The following MYH10 variants were observed in gnomAD, a reference collection of about 807,000 sequenced individuals.
MYH10 encodes myosin heavy chain 10, also known as myosin-10.
Under a neutral mutation model 257.8 loss-of-function variants are expected in MYH10, and 55 were observed. The ratio of observed to expected loss-of-function variants is 0.21; its 90% confidence interval spans 0.17 to 0.27. The LOEUF (loss-of-function observed/expected upper bound fraction) is 0.27, where lower values mean the gene tolerates loss of function less well. Among genes scored for constraint, MYH10 ranks in the 10% least tolerant of loss-of-function variants. MYH10 has a pLI of 1.00. For missense variants in MYH10, 1,631 were observed against 2,500.6 expected (o/e 0.65, Z 7.42); for synonymous variants, 854 against 921.7 (o/e 0.93, Z 1.33).
At chr17:8,581,806 T>G (rs768637325) in intron 4 of MYH10, among the ~76,000 whole-genome samples, 18 of 152,322 alleles carry the variant, frequency 1.2e-4, no homozygotes, top group Non-Finnish European at 1.8e-4. Context: ...ATGAGGTGAT[T>G]TGAATTACTA....
intron 13 of MYH10, among the ~76,000 whole-genome samples, chr17:8,543,732 A>G (rs967637533): frequency 2.0e-5 from 3 of 152,176 alleles, no homozygotes; most frequent in Non-Finnish European, 4.4e-5. Context: ...TCGGCCTCCC[A>G]AAGTGCTGGG....
intron 7 of MYH10, among the ~76,000 whole-genome samples, chr17:8,565,799 C>CT (rs2083147356): frequency 6.6e-6 from 1 of 152,166 alleles, no homozygotes; most frequent in Non-Finnish European, 1.5e-5. Flanking sequence ...AGAAAACAAT[C>CT]TAATTCTTCC....
intron 21 of MYH10, 109 bp downstream of exon 21, chr17:8,518,522 G>T: frequency 1.7e-6 from 2 of 1,209,758 alleles, no homozygotes; most frequent in Non-Finnish European, 2.3e-6. Flanking sequence ...AGCAACTTCT[G>T]TAAGGACAGA....
At chr17:8,563,852 T>C (rs2083073917) in intron 7 of MYH10, among the ~76,000 whole-genome samples, 1 of 139,904 alleles carries the variant, frequency 7.1e-6, no homozygotes, top group African/African-American at 2.7e-5. Flanking sequence ...AAGAGGTACA[T>C]AATAGTTGGA....
chr17:8,588,432 T>G (rs143182916), intron 4 of MYH10, among the ~76,000 whole-genome samples: 1 of 152,312 alleles, frequency 6.6e-6, no homozygotes, highest in African/African-American at 2.4e-5. Context: ...TGTCAGGAGA[T>G]TTCAGCAACA....
intron 28 of MYH10, among the ~76,000 whole-genome samples, chr17:8,502,883 G>A (rs1455360444): frequency 2.0e-5 from 3 of 152,228 alleles, no homozygotes; most frequent in Non-Finnish European, 4.4e-5. Flanking sequence ...CCAGCTGGGA[G>A]TGGAGAGTTC....
At position 8,475,398 on chromosome 17, in the gene MYH10, G is replaced by C; in HGVS notation, c.*406C>G. ...AGGAGTCGGGGGCCACGTGAACACA[G>C]AACTAGGTTACCTGTCTGTATGACA... is the stretch of plus-strand genomic sequence containing the variant. On this transcript the variant is annotated 3_prime_UTR_variant, in exon 43 of 43. Coordinates refer to ENST00000360416, the MANE Select transcript of MYH10 (RefSeq NM_001256012.3). 5.8e-6 allele frequency: 1 copy of C among 171,864 alleles called. No homozygotes were observed. Among genetic ancestry groups the C allele is most frequent in the East Asian group, 1.7e-4 (1 of 6,000 alleles). 10.6% of individuals were successfully genotyped at this position (171,864 alleles called of 1,614,324 possible).
chr17:8,512,633 C>T lies in MYH10; in HGVS notation c.2770G>A (p.Ala924Thr). 1.2e-6 allele frequency: 2 copies of T among 1,612,548 alleles called. No homozygotes were observed. The highest frequency in any genetic ancestry group is 1.7e-6 in the Non-Finnish European group (2 of 1,179,844). ...TCAGTCTCTGCTTGTAGTTGTTCTG[C>T]AAGGATATTCTTCTCTTCTAAAAGC... ...QQLLEEKNIL[A>T]EQLQAETELF... The change falls in exon 24 of 43, where the codon GCA becomes ACA. Residue 924 changes from alanine (A) to threonine (T), a missense_variant. By Grantham distance (58) the Ala-to-Thr change is moderately conservative. Coordinates refer to ENST00000360416, the MANE Select transcript of MYH10 (RefSeq NM_001256012.3).
intron 2 of MYH10, among the ~76,000 whole-genome samples, chr17:8,610,668 A>G (rs1249838118): frequency 6.6e-6 from 1 of 152,096 alleles, no homozygotes. Context: ...TATAAATTCT[A>G]TCTCTTGCTC....
In MYH10 at chr17:8,484,154, A is replaced by G. The variant is rs1914361100; in HGVS notation, c.5159T>C (p.Ile1720Thr). The G allele has an allele frequency of 6.3e-7, 1 of 1,599,288 alleles. No individual in the cohort carries two copies. Among genetic ancestry groups the G allele is most frequent in the Admixed American group, 1.8e-5 (1 of 56,502 alleles). ...EKKLKSLEAE[I>T]LQLQEELASS... ...CAAACCAACCTCCTGCAATTGAAGG[A>G]TTTCTGCTTCCAGACTCTTCAATTT... is the stretch of plus-strand genomic sequence containing the variant. Residue 1720 changes from isoleucine to threonine, a missense_variant, in exon 37 of 43, where the codon ATC (isoleucine) becomes ACC (threonine). Physicochemically the swap from Ile to Thr is moderately conservative, Grantham distance 89. Around this residue, in one of 11 missense-constraint regions of MYH10, gnomAD observed 6 missense variants for 20.5 expected, o/e 0.29. Transcript: ENST00000360416.
At chr17:8,497,738 C>CAA (rs559562540) in intron 30 of MYH10, among the ~76,000 whole-genome samples, 3 of 56,874 alleles carry the variant, frequency 5.3e-5, no homozygotes, top group African/African-American at 7.4e-5. Flanking sequence ...GACTCTGTCT[C>CAA]AAAAAAAAAA....
chr17:8,493,177 T>A (rs753841255), intron 32 of MYH10, among the ~76,000 whole-genome samples, 153 bp from the exon 33 acceptor site: 4 of 152,088 alleles, frequency 2.6e-5, no homozygotes, highest in African/African-American at 9.7e-5. Context: ...CAGGCCAACA[T>A]AGTGAAACCT....
intron 17 of MYH10, among the ~76,000 whole-genome samples, chr17:8,527,614 G>T (rs1048331909): frequency 6.6e-6 from 1 of 152,202 alleles, no homozygotes; most frequent in Non-Finnish European, 1.5e-5. Context: ...TTTCTCTGTT[G>T]TTCTGTAATT....
intron 6 of MYH10, among the ~76,000 whole-genome samples, chr17:8,574,538 TTTAAA>T (rs10534206): frequency 0.96 from 146,719 of 152,148 alleles, 70,976 homozygotes; most frequent in East Asian, 1. Context: ...TTATATCTCA[TTTAAA>T]TTGTTTCAAA....
rs1425877370 is a variant in MYH10 at position 8,542,236 on chromosome 17, C to T, written c.1476G>A (p.Lys492=). The T allele has an allele frequency of 1.9e-6, 3 of 1,614,024 alleles. No individual in the cohort carries two copies. Among genetic ancestry groups the T allele is most frequent in the South Asian group, 2.2e-5 (2 of 91,078 alleles). ...EQLCINYTNE[K]LQQLFNHTMF... is the part of the protein sequence containing the mutation. ...TGGTGTGGTTGAACAGCTGCTGCAGCTTCTCATTGGTGTAGTTGATGCAAA... is the reference window on the plus strand; with the variant it reads ...TGGTGTGGTTGAACAGCTGCTGCAGTTTCTCATTGGTGTAGTTGATGCAAA... The change falls in exon 14 of 43, where the codon AAG becomes AAA. Residue 492 remains lysine (K), a synonymous_variant. Coordinates refer to ENST00000360416, the MANE Select transcript of MYH10 (RefSeq NM_001256012.3).
intron 1 of MYH10, among the ~76,000 whole-genome samples, chr17:8,630,130 C>A (rs1487289953): frequency 6.6e-6 from 1 of 151,968 alleles, no homozygotes; most frequent in Non-Finnish European, 1.5e-5. Context: ...CAGCGCCCCC[C>A]CACCCTACCG....
At chr17:8,488,505 A>G (rs779271894) in intron 35 of MYH10, among the ~76,000 whole-genome samples, 2 of 152,226 alleles carry the variant, frequency 1.3e-5, no homozygotes, top group Non-Finnish European at 2.9e-5. Flanking sequence ...ATTAAGGTAT[A>G]GGTCATAAAT....
intron 16 of MYH10, 97 bp from the exon 17 acceptor site, chr17:8,530,782 A>G: frequency 1.1e-6 from 1 of 930,490 alleles, no homozygotes; most frequent in Non-Finnish European, 1.6e-6. Context: ...CAACTTTGAA[A>G]TCGGGCTACA....
chr17:8,595,258 A>G (rs534200215), intron 3 of MYH10, among the ~76,000 whole-genome samples: 18 of 152,254 alleles, frequency 1.2e-4, no homozygotes, highest in Non-Finnish European at 2.6e-4. Flanking sequence ...TGGGTGATTC[A>G]TAAGAAACCT....
Sources: gnomAD v4.1 joint callset for allele counts (sites outside exome capture counted in the v4.1 genomes callset) on GRCh38, gnomAD v4.1.1 for gene constraint, gnomAD v4.1.1 regional missense constraint, MANE v1.5 for transcripts, NCBI Gene and HGNC (gene_info 2026-07-23, HGNC 2026-07-21) for gene names.